Variants in TACR1 observed in about 807,000 individuals in gnomAD.
The protein encoded by TACR1 is tachykinin receptor 1.
TACR1 carries 25 observed loss-of-function variants against 35.8 expected under a neutral mutation model. That is an observed-to-expected ratio of 0.70 (90% CI 0.51 to 0.98). TACR1 has a LOEUF of 0.98. TACR1 is among the 50% of genes least tolerant of loss of function. The pLI is 0.00. For missense variants in TACR1, 478 were observed against 522.9 expected (o/e 0.91, Z 0.84); for synonymous variants, 195 against 206.7 (o/e 0.94, Z 0.48).
chr2:75,068,799 G>GT (rs1446594991), intron 2 of TACR1, among the ~76,000 whole-genome samples: 2 of 152,302 alleles, frequency 1.3e-5, no homozygotes, highest in African/African-American at 4.8e-5. Flanking sequence ...CTGAGAGACA[G>GT]TTTAAGTAAC....
At chr2:75,095,816 CT>C (rs1208628952) in intron 2 of TACR1, among the ~76,000 whole-genome samples, 10 of 152,170 alleles carry the variant, frequency 6.6e-5, no homozygotes, top group Non-Finnish European at 1.5e-5. Flanking sequence ...GTCCATCCCC[CT>C]GTCCCTTCTG....
chr2:75,142,229 CT>C (rs1304998847), intron 1 of TACR1, among the ~76,000 whole-genome samples: 1 of 152,196 alleles, frequency 6.6e-6, no homozygotes, highest in Non-Finnish European at 1.5e-5. Flanking sequence ...TCGGCTCACA[CT>C]TTCTGAGTGT....
intron 1 of TACR1, among the ~76,000 whole-genome samples, chr2:75,159,396 T>C (rs1379362308): frequency 1.3e-5 from 2 of 152,200 alleles, no homozygotes; most frequent in Non-Finnish European, 2.9e-5. Flanking sequence ...ATTCTGATTT[T>C]TCTCTCCCCA....
At chr2:75,106,177 A>G (rs1427032722) in intron 2 of TACR1, among the ~76,000 whole-genome samples, 1 of 152,086 alleles carries the variant, frequency 6.6e-6, no homozygotes. Context: ...AACTTTATTA[A>G]AAATGGCAAT....
intron 1 of TACR1, among the ~76,000 whole-genome samples, chr2:75,143,303 C>T (rs1426037166): frequency 6.6e-6 from 1 of 152,092 alleles, no homozygotes; most frequent in African/African-American, 2.4e-5. Context: ...CATTTTTGAC[C>T]ATGTTTTCTT....
At chr2:75,064,319 C>G (rs6750589) in intron 2 of TACR1, among the ~76,000 whole-genome samples, 2 of 152,072 alleles carry the variant, frequency 1.3e-5, no homozygotes, top group South Asian at 2.1e-4. Flanking sequence ...TGGGTAGATA[C>G]GTTAAGAAAA....
At chr2:75,111,113 A>AG (rs1300317957) in intron 2 of TACR1, among the ~76,000 whole-genome samples, 4 of 151,982 alleles carry the variant, frequency 2.6e-5, no homozygotes, top group African/African-American at 9.7e-5. Flanking sequence ...ATATATTATA[A>AG]TCTTTTTCTC....
chr2:75,192,772 A>C (rs143917534), intron 1 of TACR1, among the ~76,000 whole-genome samples: 25 of 152,338 alleles, frequency 1.6e-4, no homozygotes, highest in Middle Eastern at 3.4e-3. Context: ...TCGCTCTTCC[A>C]GGTTGAAACA....
rs754819440 is a variant in TACR1 at position 75,198,693 on chromosome 2, A to T, written c.242T>A (p.Met81Lys). The change falls in exon 1 of 5, where the codon ATG becomes AAG. Residue 81 changes from methionine to lysine, a missense_variant. Transcript: ENST00000305249. The part of the protein sequence containing the change: ...LVNLAFAEAS[M>K]AAFNTVVNFT... ...GTTCACCACTGTATTGAATGCAGCC[A>T]TGGAGGCCTCCGCGAAGGCCAGGTT... 6.2e-7 allele frequency: 1 copy of T among 1,614,208 alleles called. No homozygotes were observed. Among genetic ancestry groups the T allele is most frequent in the Non-Finnish European group, 8.5e-7 (1 of 1,180,034 alleles).
At chr2:75,062,734 C>A (rs10205928) in intron 2 of TACR1, among the ~76,000 whole-genome samples, 5 of 152,140 alleles carry the variant, frequency 3.3e-5, no homozygotes, top group Non-Finnish European at 7.3e-5. Flanking sequence ...CCAGAAAACA[C>A]GTGCCAATCT....
intron 2 of TACR1, among the ~76,000 whole-genome samples, chr2:75,115,011 G>A (rs182931860): frequency 1.3e-5 from 2 of 151,840 alleles, no homozygotes; most frequent in Admixed American, 1.3e-4. Flanking sequence ...TGAAGCTGGT[G>A]GTTTATCTTA....
chr2:75,184,664 G>A (rs558243725), intron 1 of TACR1, among the ~76,000 whole-genome samples: 94 of 151,090 alleles, frequency 6.2e-4, no homozygotes, highest in African/African-American at 2.2e-3. Flanking sequence ...AAACCAAGGG[G>A]AAATATTGTA....
intron 2 of TACR1, among the ~76,000 whole-genome samples, chr2:75,092,447 C>T (rs1465343695): frequency 1.3e-5 from 2 of 152,086 alleles, no homozygotes; most frequent in Non-Finnish European, 2.9e-5. Flanking sequence ...TTTCCTTGTA[C>T]ATTATCATCA....
rs147123138 is a variant in TACR1 at position 75,062,605 on chromosome 2, C to T, written c.585-8850G>A. On this transcript the variant is annotated intron_variant, in intron 2 of 4. Coordinates refer to ENST00000305249, the MANE Select transcript of TACR1 (RefSeq NM_001058.4). ...TATTTACAATGATCTAATATTTAAGCGATACTTTAATTAACATATTCAAAT... is the reference window on the plus strand; with the variant it reads ...TATTTACAATGATCTAATATTTAAGTGATACTTTAATTAACATATTCAAAT... Among the ~76,000 whole-genome samples the T allele has an allele frequency of 3.8e-3, 582 of 152,248 alleles. 6 individuals carry two copies. Among genetic ancestry groups the T allele is most frequent in the African/African-American group, 0.013 (542 of 41,526 alleles).
rs1376327678 is a variant in TACR1, at chr2:75,049,514, T to A, written c.1142A>T (p.Asp381Val). The change falls in exon 5 of 5, where the codon GAC (aspartate) becomes GTC (valine). Residue 381 changes from aspartate to valine, a missense_variant. Transcript: ENST00000305249. Reference protein sequence around the residue: ...DGPKATPSSLDLTSNCSSRSD... With the variant: ...DGPKATPSSLVLTSNCSSRSD... ...TCGTGAAGAGCAGTTGGAGGTCAGG[T>A]CCAGGGACGAGGGTGTGGCCTTGGG... 6.2e-7 allele frequency: 1 copy of A among 1,614,140 alleles called. No homozygotes were observed. Among genetic ancestry groups the A allele is most frequent in the Admixed American group, 1.7e-5 (1 of 60,032 alleles).
intron 2 of TACR1, among the ~76,000 whole-genome samples, chr2:75,063,978 T>C (rs981397202): frequency 6.6e-6 from 1 of 152,084 alleles, no homozygotes; most frequent in Non-Finnish European, 1.5e-5. Flanking sequence ...AGGTTGTAAA[T>C]CCACTGGCCC....
At chr2:75,076,392 C>G (rs923442618) in intron 2 of TACR1, among the ~76,000 whole-genome samples, 1 of 152,196 alleles carries the variant, frequency 6.6e-6, no homozygotes, top group African/African-American at 2.4e-5. Flanking sequence ...GCTTATAAAC[C>G]TTTTTGTCAG....
intron 1 of TACR1, among the ~76,000 whole-genome samples, chr2:75,174,029 T>G (rs1216118409): frequency 6.6e-6 from 1 of 152,164 alleles, no homozygotes; most frequent in Non-Finnish European, 1.5e-5. Context: ...GCTTCACTCC[T>G]CACACACTCT....
At chr2:75,113,669 A>G (rs1673798751) in intron 2 of TACR1, among the ~76,000 whole-genome samples, 1 of 147,734 alleles carries the variant, frequency 6.8e-6, no homozygotes, top group African/African-American at 2.5e-5. Context: ...ATTGCTTTTC[A>G]TCAACCAAAG....
Sources: allele counts gnomAD v4.1 joint callset (sites outside exome capture counted in the v4.1 genomes callset), GRCh38; gene constraint gnomAD v4.1.1; transcripts MANE v1.5; gene names NCBI Gene and HGNC (gene_info 2026-07-23, HGNC 2026-07-21).